Variants in HMCN1 observed in about 807,000 individuals in gnomAD.
HMCN1 encodes hemicentin 1.
In HMCN1, 321 loss-of-function variants were observed where a neutral mutation model predicts 625.9. The observed-to-expected ratio is 0.51, with a 90% CI of 0.47 to 0.56. The LOEUF (loss-of-function observed/expected upper bound fraction) is 0.56. Ranked by LOEUF, HMCN1 falls within the 20% of genes least tolerant of loss-of-function variation. The pLI is 0.00. For missense variants in HMCN1, 6,588 were observed against 6,887.3 expected (o/e 0.96, Z 1.54); for synonymous variants, 2,425 against 2,417.6 (o/e 1.00, Z -0.09).
intron 36 of HMCN1, among the ~76,000 whole-genome samples, chr1:186,033,824 A>G (rs1440259629): frequency 6.6e-6 from 1 of 152,114 alleles, no homozygotes; most frequent in African/African-American, 2.4e-5. Context: ...GATATTTTAA[A>G]TAACATAATT....
chr1:186,181,365 AATT>A (rs1172315544), intron 104 of HMCN1, among the ~76,000 whole-genome samples: 7 of 152,126 alleles, frequency 4.6e-5, no homozygotes, highest in African/African-American at 1.7e-4. Flanking sequence ...ATTAATTTTG[AATT>A]ATCATCTATT....
rs536278376 is a variant in HMCN1 at position 185,739,268 on chromosome 1, T to C, written c.268+4221T>C. 2.0e-5 allele frequency among the ~76,000 whole-genome samples: 3 copies of C among 152,370 alleles called. No individual in the cohort carries two copies. In the East Asian group the frequency reaches 5.8e-4, roughly 29 times the overall value. On this transcript the variant is annotated intron_variant, in intron 1 of 106. Transcript: ENST00000271588. ...CACAATTTCTTTGTCTAGTCCATCG[T>C]TGATGGGCATCTAGGTTGATTCCAT...
intron 11 of HMCN1, among the ~76,000 whole-genome samples, chr1:185,942,519 G>A (rs2102514004): frequency 6.6e-6 from 1 of 152,262 alleles, no homozygotes; most frequent in East Asian, 1.9e-4. Context: ...TTTAAAGAAA[G>A]CTACCAACTA....
At chr1:185,974,250 A>C (rs1651038338) in intron 15 of HMCN1, among the ~76,000 whole-genome samples, 1 of 152,180 alleles carries the variant, frequency 6.6e-6, no homozygotes, top group Non-Finnish European at 1.5e-5. Context: ...ACATTAAACT[A>C]ACCACAGAAA....
chr1:185,749,467 C>T (rs1038845220), intron 1 of HMCN1, among the ~76,000 whole-genome samples: 8 of 152,146 alleles, frequency 5.3e-5, no homozygotes, highest in Admixed American at 5.2e-4. Context: ...CAAAGGGCAT[C>T]TAATAAGTAC....
chr1:186,125,891 T>A (rs1020035560), intron 82 of HMCN1, 97 bp downstream of exon 82: 1 of 790,764 alleles, frequency 1.3e-6, no homozygotes, highest in Non-Finnish European at 2.0e-6. Context: ...CTTTAATAAT[T>A]AAAAAAAATA....
At position 186,003,743 on chromosome 1, in the gene HMCN1, C is replaced by G; in HGVS notation, c.4374C>G (p.Asn1458Lys). The G allele has an allele frequency of 6.2e-7, 1 of 1,613,258 alleles. No individual in the cohort carries two copies. The highest frequency in any genetic ancestry group is 8.5e-7 in the Non-Finnish European group (1 of 1,179,316). The stretch of plus-strand genomic sequence containing the variant: ...TTCCACCCACCATAATAGGTACCAA[C>G]TTCCCAAATGAAGTCTCAGTTGTCC... ...VLVPPTIIGTNFPNEVSVVLN... is the reference protein window; with the variant it reads ...VLVPPTIIGTKFPNEVSVVLN... Residue 1458 changes from asparagine to lysine, a missense_variant, in exon 29 of 107, where the codon AAC (asparagine) becomes AAG (lysine). This residue lies in a region of HMCN1 where 4,628 missense variants were observed against 4,853.1 expected (regional missense o/e 0.95). Coordinates refer to ENST00000271588, the MANE Select transcript of HMCN1 (RefSeq NM_031935.3).
At chr1:186,065,547 C>G in intron 49 of HMCN1, 118 bp downstream of exon 49, 1 of 661,878 alleles carries the variant, frequency 1.5e-6, no homozygotes, top group South Asian at 2.3e-5. Context: ...GTAAGGAGGA[C>G]CAGTGCTTGT....
chr1:185,752,536 T>C (rs2102097820), intron 1 of HMCN1, among the ~76,000 whole-genome samples: 1 of 152,286 alleles, frequency 6.6e-6, no homozygotes, highest in Middle Eastern at 3.4e-3. Context: ...AAATTCTATA[T>C]TTTGCCCAGT....
chr1:186,147,419 T>C (rs1158912489), intron 93 of HMCN1, among the ~76,000 whole-genome samples: 1 of 152,022 alleles, frequency 6.6e-6, no homozygotes, highest in East Asian at 1.9e-4. Flanking sequence ...CACCATTTTT[T>C]TCTTTAATTC....
chr1:186,137,783 A>C lies in HMCN1; in HGVS notation c.13754-19A>C, dbSNP rs755843552. On this transcript the variant is annotated intron_variant, in intron 88 of 106. Transcript: ENST00000271588. ...CAATTGAAATATACCTGATGGTGTA[A>C]TGGTTCACCTTTGTATAGTGGATGG... 5.0e-6 allele frequency: 8 copies of C among 1,614,052 alleles called. No individual in the cohort carries two copies. The Admixed American group carries it at 1.3e-4, about 27-fold the overall frequency.
Position 185,735,009 on chromosome 1 carries a change from CTCT to C in HMCN1, c.232_234del (p.Leu78del), listed in dbSNP as rs749461334. 6.2e-7 allele frequency: 1 copy of C among 1,614,076 alleles called. No individual in the cohort carries two copies. Reference sequence around the variant, plus strand: ...ACGTCTTTGAAAAGACCTAAAAGACCTCTTTTCAACTTTGCGTTGGTGCCTTTC... The same window carrying C: ...ACGTCTTTGAAAAGACCTAAAAGACCTTTCAACTTTGCGTTGGTGCCTTTC... On this transcript the variant is annotated inframe_deletion, in exon 1 of 107. Coordinates refer to ENST00000271588, the MANE Select transcript of HMCN1 (RefSeq NM_031935.3).
intron 4 of HMCN1, among the ~76,000 whole-genome samples, chr1:185,905,803 C>T (rs997499921): frequency 6.6e-6 from 1 of 151,690 alleles, no homozygotes; most frequent in East Asian, 1.9e-4. Context: ...AACTATTGAG[C>T]CAGAATCCAA....
intron 44 of HMCN1, among the ~76,000 whole-genome samples, chr1:186,055,028 A>G (rs1004545082): frequency 1.3e-5 from 2 of 152,050 alleles, no homozygotes; most frequent in African/African-American, 4.8e-5. Context: ...TTAGTAACAG[A>G]CATTGGGTTG....
At chr1:186,173,652 A>AAAAAAG (rs1652374993) in intron 102 of HMCN1, among the ~76,000 whole-genome samples, 2 of 151,182 alleles carry the variant, frequency 1.3e-5, no homozygotes, top group Admixed American at 6.6e-5. Flanking sequence ...AAAAAAAAAA[A>AAAAAAG]AAAGAAAAAA....
Position 186,061,841 on chromosome 1 carries a change from G to T in HMCN1, c.7313-10G>T, listed in dbSNP as rs764613107. 3.2e-6 allele frequency: 5 copies of T among 1,575,288 alleles called. No individual in the cohort carries two copies. Among genetic ancestry groups the T allele is most frequent in the Middle Eastern group, 1.7e-4 (1 of 5,982 alleles). ...TTAAGTTATCTTAAAAAGATGGTTTGCTTCTGCAGGAGGCAGGATGCTACG... is the reference window on the plus strand; with the variant it reads ...TTAAGTTATCTTAAAAAGATGGTTTTCTTCTGCAGGAGGCAGGATGCTACG... On this transcript the variant is annotated splice_polypyrimidine_tract_variant and intron_variant, in intron 46 of 106. Transcript: ENST00000271588.
intron 103 of HMCN1, among the ~76,000 whole-genome samples, chr1:186,178,129 T>C (rs144152385): frequency 0.012 from 1,852 of 152,288 alleles, 35 homozygotes; most frequent in African/African-American, 0.038. Context: ...ACAGAACTAG[T>C]GTGTCTTGTT....
chr1:186,165,150 A>C lies in HMCN1; in HGVS notation c.15296A>C (p.Asp5099Ala). The change falls in exon 98 of 107, where the codon GAC (aspartate) becomes GCC (alanine). Residue 5099 changes from aspartate to alanine, a missense_variant. Asp to Ala is a moderately radical substitution (Grantham distance 126). Transcript: ENST00000271588. Reference sequence around the variant, plus strand: ...CAGTGCCCCTCCGGGTTTACCTTAGACTCAGTTGGACCTTTTTGTGCTGGT... The same window carrying C: ...CAGTGCCCCTCCGGGTTTACCTTAGCCTCAGTTGGACCTTTTTGTGCTGGT... Reference protein sequence around the residue: ...SNQCPSGFTLDSVGPFCADED... With the variant: ...SNQCPSGFTLASVGPFCADED... 6.2e-7 allele frequency: 1 copy of C among 1,613,968 alleles called. No homozygotes were observed. The highest frequency in any genetic ancestry group is 8.5e-7 in the Non-Finnish European group (1 of 1,179,908).
At chr1:185,928,862 T>G (rs1667405354) in intron 10 of HMCN1, among the ~76,000 whole-genome samples, 195 bp downstream of exon 10, 1 of 152,114 alleles carries the variant, frequency 6.6e-6, no homozygotes, top group African/African-American at 2.4e-5. Context: ...GCTAATTGTT[T>G]AAGAACTCAA....
Sources: allele counts gnomAD v4.1 joint callset (sites outside exome capture counted in the v4.1 genomes callset), GRCh38; gene constraint gnomAD v4.1.1; regional missense constraint gnomAD v4.1.1; transcripts MANE v1.5; gene names NCBI Gene and HGNC (gene_info 2026-07-23, HGNC 2026-07-21).